CEP20: variants seen among roughly 807,000 people sequenced by gnomAD.
CEP20 encodes the protein centrosomal protein 20, also known as FGFR1OP N-terminal like.
In CEP20, 18 loss-of-function variants were observed where a neutral mutation model predicts 20.0. The ratio of observed to expected loss-of-function variants is 0.90; its 90% CI spans 0.62 to 1.34. CEP20 has a LOEUF of 1.34. Ranked by LOEUF, CEP20 falls within the 40% of genes most tolerant of loss-of-function variation. The probability of loss-of-function intolerance (pLI) is 0.00; values close to 1 mark genes in which losing one functional copy is unlikely to be tolerated. For missense variants in CEP20, 215 were observed against 201.6 expected, an observed-to-expected ratio of 1.07 and a Z score of -0.40; for synonymous variants, 77 against 73.7, an observed-to-expected ratio of 1.04 and a Z score of -0.23.
intron 4 of CEP20, among the ~76,000 whole-genome samples, chr16:15,873,065 T>A (rs1459411121): frequency 1.3e-5 from 2 of 151,458 alleles, no homozygotes; most frequent in Non-Finnish European, 2.9e-5. Context: ...AAAATTGGAG[T>A]TTTCAGTATT....
rs566875882 is a variant in CEP20, at chr16:15,875,334, A to T, written c.312-1707T>A. On this transcript the variant is annotated intron_variant, in intron 3 of 4. Coordinates refer to ENST00000255759, the MANE Select transcript of CEP20 (RefSeq NM_144600.4). ...TTAAATGTTAAAAGTTTTATTTTTTAAATAAATATTCAAAAAAATGTACTT... is the reference window on the plus strand; with the variant it reads ...TTAAATGTTAAAAGTTTTATTTTTTTAATAAATATTCAAAAAAATGTACTT... Among the ~76,000 whole-genome samples, 196 of 152,344 alleles carry T rather than the reference A, an allele frequency of 1.3e-3. 2 individuals carry two copies. Among genetic ancestry groups the T allele is most frequent in the African/African-American group, 4.6e-3 (193 of 41,590 alleles).
intron 4 of CEP20, among the ~76,000 whole-genome samples, chr16:15,870,594 A>G (rs184621361): frequency 2.0e-5 from 3 of 152,250 alleles, no homozygotes; most frequent in Admixed American, 1.3e-4. Flanking sequence ...TTAAAACTAA[A>G]TAAGAGTGAT....
intron 4 of CEP20, among the ~76,000 whole-genome samples, chr16:15,870,191 C>A (rs1286821026): frequency 6.6e-6 from 1 of 150,858 alleles, no homozygotes; most frequent in East Asian, 2.0e-4. Context: ...TAGTCATGAG[C>A]CGTGAGTATT....
rs756293383 is a variant in CEP20, at chr16:15,884,080, G to C, written c.154C>G (p.Leu52Val). Residue 52 changes from leucine (L) to valine (V), a missense_variant, in exon 2 of 5, where the codon CTA becomes GTA. By Grantham distance (32) the Leu-to-Val change is conservative. Coordinates refer to ENST00000255759, the MANE Select transcript of CEP20 (RefSeq NM_144600.4). ...TACTCTCGAATTAATTCATTAATTA[G>C]AAGGTTTTCATGAGACAATGATGGT... ...PRPSLSHENLLINELIREYLE... is the reference protein window; with the variant it reads ...PRPSLSHENLVINELIREYLE... 77 of 1,613,896 alleles carry C rather than the reference G, an allele frequency of 4.8e-5. No individual in the cohort carries two copies. Among genetic ancestry groups the C allele is most frequent in the Non-Finnish European group, 6.2e-5 (73 of 1,179,900 alleles).
intron 3 of CEP20, among the ~76,000 whole-genome samples, chr16:15,877,734 G>C (rs539682479): frequency 6.6e-6 from 1 of 152,170 alleles, no homozygotes; most frequent in South Asian, 2.1e-4. Flanking sequence ...CCATGATCAA[G>C]CCGCTGCACT....
intron 4 of CEP20, among the ~76,000 whole-genome samples, chr16:15,868,429 GA>G (rs1303630281): frequency 6.7e-6 from 1 of 149,414 alleles, no homozygotes; most frequent in South Asian, 2.1e-4. Context: ...GTCTCGAGAA[GA>G]AAAAAAAAGA....
chr16:15,880,280 A>C (rs1293937233), intron 2 of CEP20, among the ~76,000 whole-genome samples: 1 of 152,226 alleles, frequency 6.6e-6, no homozygotes, highest in Non-Finnish European at 1.5e-5. Flanking sequence ...TGGAACTTTC[A>C]CACTTTGCTG....
intron 3 of CEP20, among the ~76,000 whole-genome samples, chr16:15,878,941 G>GT (rs753089528): frequency 6.6e-6 from 1 of 151,348 alleles, no homozygotes; most frequent in Non-Finnish European, 1.5e-5. Flanking sequence ...ATGAGAAAAC[G>GT]TAAGGCTTCA....
At chr16:15,869,468 G>A (rs898190336) in intron 4 of CEP20, among the ~76,000 whole-genome samples, 1 of 151,876 alleles carries the variant, frequency 6.6e-6, no homozygotes, top group African/African-American at 2.4e-5. Context: ...ACACCACCAC[G>A]TCCAGCTAAT....
At chr16:15,870,168 A>T (rs1168021924) in intron 4 of CEP20, among the ~76,000 whole-genome samples, 2 of 152,016 alleles carry the variant, frequency 1.3e-5, no homozygotes, top group Non-Finnish European at 2.9e-5. Context: ...AGTGTTCCTT[A>T]TAACTTTCTT....
chr16:15,880,354 G>A (rs115485770), intron 2 of CEP20, among the ~76,000 whole-genome samples: 2,109 of 152,260 alleles, frequency 0.014, 52 homozygotes, highest in African/African-American at 0.047. Context: ...ATAAAGGTGA[G>A]CGTGCACTTA....
At chr16:15,884,763 C>T (rs904652827) in intron 1 of CEP20, among the ~76,000 whole-genome samples, 1 of 152,096 alleles carries the variant, frequency 6.6e-6, no homozygotes, top group Non-Finnish European at 1.5e-5. Flanking sequence ...CTCAGCCTCC[C>T]AAAGTGTTGG....
At chr16:15,876,507 C>A (rs920577925) in intron 3 of CEP20, among the ~76,000 whole-genome samples, 4 of 151,968 alleles carry the variant, frequency 2.6e-5, no homozygotes, top group Non-Finnish European at 2.9e-5. Context: ...GCTGTGTGGC[C>A]CACACTGGAG....
chr16:15,887,418 G>A (rs1453767804), intron 1 of CEP20, among the ~76,000 whole-genome samples: 1 of 152,166 alleles, frequency 6.6e-6, no homozygotes, highest in Non-Finnish European at 1.5e-5. Flanking sequence ...TGGGTTCCCT[G>A]CAAAGTGGAA....
In CEP20 at chr16:15,869,511, A is replaced by G. The variant is rs2044763047; in HGVS notation, c.449-1995T>C. ...TTTTCAGTAGAGACAGGGTTTCACC[A>G]TGTTGGCTAGGCTGGTCTCGAACTC... On this transcript the variant is annotated intron_variant, in intron 4 of 4. Coordinates refer to ENST00000255759, the MANE Select transcript of CEP20 (RefSeq NM_144600.4). 2.0e-5 allele frequency among the ~76,000 whole-genome samples: 3 copies of G among 152,098 alleles called. No homozygotes were observed. In the South Asian group the frequency reaches 6.2e-4, roughly 32 times the overall value.
chr16:15,886,486 G>A (rs976572132), intron 1 of CEP20, among the ~76,000 whole-genome samples: 2 of 152,140 alleles, frequency 1.3e-5, no homozygotes, highest in African/African-American at 4.8e-5. Flanking sequence ...GAGAGATTTT[G>A]TCACTGGCAA....
Position 15,879,792 on chromosome 16 carries a change from A to T in CEP20, c.311+12T>A. On this transcript the variant is annotated intron_variant, in intron 3 of 4. Coordinates refer to ENST00000255759, the MANE Select transcript of CEP20 (RefSeq NM_144600.4). ...TACAATATGTGGAAACTTCTTTAAA[A>T]AAATGTCTTACATTGTATTATCCTT... 2.6e-6 allele frequency: 4 copies of T among 1,527,750 alleles called. No individual in the cohort carries two copies. The highest frequency in any genetic ancestry group is 3.6e-6 in the Non-Finnish European group (4 of 1,124,854). The allele number at this position is 1,527,750 out of a possible 1,614,324, so 94.6% of individuals were successfully genotyped here.
intron 3 of CEP20, among the ~76,000 whole-genome samples, chr16:15,874,653 C>T (rs1001317677): frequency 1.3e-5 from 2 of 152,060 alleles, no homozygotes; most frequent in African/African-American, 4.8e-5. Flanking sequence ...TTTGTGGGTA[C>T]ATAGTAGGTG....
intron 2 of CEP20, among the ~76,000 whole-genome samples, chr16:15,881,364 A>G (rs2045093432): frequency 6.6e-6 from 1 of 152,214 alleles, no homozygotes; most frequent in Non-Finnish European, 1.5e-5. Flanking sequence ...TGTAACTGGT[A>G]TCATACAGCC....
Sources: gnomAD v4.1 joint callset for allele counts (sites outside exome capture counted in the v4.1 genomes callset) on GRCh38, gnomAD v4.1.1 for gene constraint, MANE v1.5 for transcripts, NCBI Gene and HGNC (gene_info 2026-07-23, HGNC 2026-07-21) for gene names.